The following ADGRL2 variants were observed in gnomAD, a reference collection of about 807,000 sequenced individuals.
ADGRL2 encodes the protein adhesion G protein-coupled receptor L2, also known as calcium-independent alpha-latrotoxin receptor 2.
ADGRL2 carries 44 observed loss-of-function variants against 157.4 expected under a neutral mutation model. The ratio of observed to expected loss-of-function variants is 0.28; its 90% confidence interval spans 0.22 to 0.36. ADGRL2 has a LOEUF of 0.36. Ranked by LOEUF, ADGRL2 falls within the 10% of genes least tolerant of loss-of-function variation. The pLI, the probability that ADGRL2 is intolerant of heterozygous loss-of-function variation, is 1.00. For missense variants in ADGRL2, 1,510 were observed against 1,768.9 expected, an observed-to-expected ratio of 0.85 and a Z score of 2.63; for synonymous variants, 585 against 624.7, an observed-to-expected ratio of 0.94 and a Z score of 0.95.
At chr1:81,468,030 A>G (rs1255517718) in intron 2 of ADGRL2, among the ~76,000 whole-genome samples, 2 of 152,168 alleles carry the variant, frequency 1.3e-5, no homozygotes, top group Admixed American at 6.6e-5. Context: ...AGACTTGAAG[A>G]TTTAAAATTT....
chr1:81,714,698 C>T (rs953735885), intron 1 of ADGRL2, among the ~76,000 whole-genome samples: 12 of 152,100 alleles, frequency 7.9e-5, no homozygotes, highest in Non-Finnish European at 1.8e-4. Flanking sequence ...TTATAACTTA[C>T]TGATCAAGGG....
chr1:81,315,129 ATTTTGCATCAGAGTGTCTGC>A (rs1396051174), intron 1 of ADGRL2, among the ~76,000 whole-genome samples: 3 of 152,126 alleles, frequency 2.0e-5, no homozygotes, highest in Non-Finnish European at 4.4e-5. Flanking sequence ...AGTTTGCATA[ATTTTGCATCAGAGTGTCTGC>A]TTTAAATTAC....
chr1:81,702,319 T>C (rs2083598044), intron 1 of ADGRL2, among the ~76,000 whole-genome samples: 1 of 152,198 alleles, frequency 6.6e-6, no homozygotes, highest in Non-Finnish European at 1.5e-5. Flanking sequence ...CTAGACAGCA[T>C]CACCCCTTCT....
chr1:81,321,592 C>A (rs1660502853), intron 1 of ADGRL2, among the ~76,000 whole-genome samples: 1 of 152,036 alleles, frequency 6.6e-6, no homozygotes. Context: ...GGGAGAGAGA[C>A]CAGTGGATGA....
At chr1:81,639,530 T>G (rs1361794008) in intron 3 of ADGRL2, among the ~76,000 whole-genome samples, 1 of 97,804 alleles carries the variant, frequency 1.0e-5, no homozygotes, top group African/African-American at 4.4e-5. Context: ...GTAGTGAGAC[T>G]CCATCTCTAC....
At chr1:81,632,775 T>C (rs903437400) in intron 3 of ADGRL2, among the ~76,000 whole-genome samples, 1 of 149,754 alleles carries the variant, frequency 6.7e-6, no homozygotes, top group Non-Finnish European at 1.5e-5. Context: ...AAAAAGTCAT[T>C]GTGGGCAGAG....
At chr1:81,311,495 G>C (rs1461996698) in intron 1 of ADGRL2, among the ~76,000 whole-genome samples, 1 of 152,058 alleles carries the variant, frequency 6.6e-6, no homozygotes, top group African/African-American at 2.4e-5. Context: ...TTTAATCTGT[G>C]TCCTTCACAG....
Position 81,626,112 on chromosome 1 carries a change from C to T in ADGRL2, c.-143+45132C>T, listed in dbSNP as rs1218138923. Among the ~76,000 whole-genome samples, 3 of 152,172 alleles carry T rather than the reference C, an allele frequency of 2.0e-5. No homozygotes were observed. In the East Asian group the frequency reaches 5.8e-4, roughly 29 times the overall value. The stretch of plus-strand genomic sequence containing the variant: ...GAGACCCAAAACACAGGGGCTTCAA[C>T]ACTCTGTCACAAAGCCCGATCAGGA... On this transcript the variant is annotated intron_variant, in intron 3 of 24. Transcript: ENST00000370721.
At chr1:81,945,258 A>AG (rs1471507811) in intron 6 of ADGRL2, among the ~76,000 whole-genome samples, 2 of 152,036 alleles carry the variant, frequency 1.3e-5, no homozygotes, top group African/African-American at 4.8e-5. Flanking sequence ...TTTATCCTAT[A>AG]GGTTTGTCAA....
At chr1:81,952,343 T>A (rs899912326) in intron 9 of ADGRL2, among the ~76,000 whole-genome samples, 1 of 152,112 alleles carries the variant, frequency 6.6e-6, no homozygotes, top group African/African-American at 2.4e-5. Context: ...GTGTAAATGA[T>A]GTTAATTACC....
intron 1 of ADGRL2, among the ~76,000 whole-genome samples, chr1:81,410,699 C>T (rs933632000): frequency 3.3e-5 from 5 of 152,182 alleles, no homozygotes; most frequent in African/African-American, 9.7e-5. Context: ...AGTATTAGCA[C>T]ATGATATGTT....
intron 1 of ADGRL2, among the ~76,000 whole-genome samples, chr1:81,806,305 A>G (rs1292572152): frequency 6.6e-6 from 1 of 152,104 alleles, no homozygotes; most frequent in Non-Finnish European, 1.5e-5. Context: ...ACATGCAGTA[A>G]TACAAGTCTA....
At chr1:81,796,496 T>C (rs1261417236), upstream of ADGRL2, among the ~76,000 whole-genome samples, 1 of 152,172 alleles carries the variant, frequency 6.6e-6, no homozygotes, top group Non-Finnish European at 1.5e-5. Context: ...ATGAGAGTTA[T>C]AGGAACAATC....
At chr1:81,799,031 G>T (rs957741843), upstream of ADGRL2, among the ~76,000 whole-genome samples, 1 of 152,136 alleles carries the variant, frequency 6.6e-6, no homozygotes, top group Admixed American at 6.5e-5. Context: ...AATCCTGAAT[G>T]AAATAATTTT....
intron 1 of ADGRL2, among the ~76,000 whole-genome samples, chr1:81,808,255 A>G (rs2089417824): frequency 6.6e-6 from 1 of 152,020 alleles, no homozygotes; most frequent in Non-Finnish European, 1.5e-5. Context: ...AATTACCAGA[A>G]TGACTAAAAG....
At chr1:81,618,424 A>T (rs72937215) in intron 3 of ADGRL2, among the ~76,000 whole-genome samples, 4,137 of 152,284 alleles carry the variant, frequency 0.027, 177 homozygotes, top group African/African-American at 0.094. Flanking sequence ...ATGTAATGTC[A>T]CCAAATTTTT....
At chr1:81,310,073 C>A (rs1659639007) in intron 1 of ADGRL2, among the ~76,000 whole-genome samples, 1 of 152,102 alleles carries the variant, frequency 6.6e-6, no homozygotes. Context: ...GCACTGGATG[C>A]ATCTGAATGA....
chr1:81,345,823 A>G (rs1172994220), intron 1 of ADGRL2, among the ~76,000 whole-genome samples: 2 of 152,228 alleles, frequency 1.3e-5, no homozygotes, highest in African/African-American at 4.8e-5. Context: ...TTCACTAGTA[A>G]CAATATAGAT....
intron 3 of ADGRL2, among the ~76,000 whole-genome samples, chr1:81,919,682 T>G (rs2094935864): frequency 6.6e-6 from 1 of 152,136 alleles, no homozygotes; most frequent in Non-Finnish European, 1.5e-5. Context: ...TATGACATCC[T>G]AAAGTGTTCT....
Sources: gnomAD v4.1 joint callset for allele counts (sites outside exome capture counted in the v4.1 genomes callset) on GRCh38, gnomAD v4.1.1 for gene constraint, MANE v1.5 for transcripts, NCBI Gene and HGNC (gene_info 2026-07-23, HGNC 2026-07-21) for gene names.